SPATA13: variants seen among roughly 807,000 people sequenced by gnomAD.
SPATA13 encodes the protein spermatogenesis-associated protein 13.
SPATA13 carries 50 observed loss-of-function variants against 104.0 expected under a neutral mutation model. That is an observed-to-expected ratio of 0.48 (90% CI 0.38 to 0.61). The LOEUF is 0.61. Among genes scored for constraint, SPATA13 ranks in the 20% least tolerant of loss-of-function variants. SPATA13 has a pLI of 0.00. For missense variants in SPATA13, 1,524 were observed against 1,690.6 expected (o/e 0.90, Z 1.73); for synonymous variants, 606 against 667.5 (o/e 0.91, Z 1.42).
intron 2 of SPATA13, among the ~76,000 whole-genome samples, chr13:23,995,754 C>T (rs1875654684): frequency 6.6e-6 from 1 of 152,102 alleles, no homozygotes; most frequent in African/African-American, 2.4e-5. Flanking sequence ...CAAATGAGAG[C>T]AAAAGATCTA....
chr13:24,161,797 C>T lies in SPATA13; in HGVS notation c.-112+865C>T, dbSNP rs922828378. Among the ~76,000 whole-genome samples, 1 of 152,220 alleles carries T rather than the reference C, an allele frequency of 6.6e-6. No individual in the cohort carries two copies. Among genetic ancestry groups the T allele is most frequent in the Non-Finnish European group, 1.5e-5 (1 of 68,036 alleles). On this transcript the variant is annotated intron_variant, in intron 1 of 12. Transcript: ENST00000382108. The surrounding 1 kb of genome is among the most constrained non-coding windows in gnomAD (Gnocchi z 4.5). The stretch of plus-strand genomic sequence containing the variant: ...AATAATACTGTGAATTTATTCAGCT[C>T]TTGTTCCCATGGCTTCCCATAGCCT...
At chr13:24,278,113 G>A (rs1041760418) in intron 4 of SPATA13, among the ~76,000 whole-genome samples, 13 of 152,162 alleles carry the variant, frequency 8.5e-5, no homozygotes, top group African/African-American at 3.1e-4. Context: ...CGGAGGGCAG[G>A]ACATACGGCT....
intron 3 of SPATA13, among the ~76,000 whole-genome samples, chr13:24,120,322 G>A (rs888944811): frequency 4.6e-5 from 7 of 152,342 alleles, no homozygotes; most frequent in Middle Eastern, 3.4e-3. Context: ...CCAAGCAGAC[G>A]CTCTGGGCAA....
chr13:24,240,107 C>G (rs937168652), intron 2 of SPATA13, among the ~76,000 whole-genome samples: 3 of 151,896 alleles, frequency 2.0e-5, no homozygotes, highest in Non-Finnish European at 2.9e-5. Flanking sequence ...GAGCTCAAGA[C>G]CAGCCTGGCC....
Position 24,054,157 on chromosome 13 carries a change from G to A in SPATA13, c.-112+36456G>A, listed in dbSNP as rs143065054. On this transcript the variant is annotated intron_variant, in intron 3 of 14. Coordinates refer to the SPATA13 transcript ENST00000424834. Reference sequence around the variant, plus strand: ...GAGTCAGGTCAAGGACACCATGAGAGATCCCTCGTCTGCCACTTCCAAGGC... The same window carrying A: ...GAGTCAGGTCAAGGACACCATGAGAAATCCCTCGTCTGCCACTTCCAAGGC... Among the ~76,000 whole-genome samples the A allele has an allele frequency of 3.0e-3, 463 of 152,236 alleles. 1 individual carries two copies. Among genetic ancestry groups the A allele is most frequent in the African/African-American group, 0.011 (440 of 41,532 alleles).
rs187578253 is a variant in SPATA13 at position 23,991,259 on chromosome 13, A to C, written c.-147+7326A>C. Reference sequence around the variant, plus strand: ...CTGTGCTGTCTTTTCTTTGTAATACATTCGTGTCCCTCTCTGAGATGTAAG... The same window carrying C: ...CTGTGCTGTCTTTTCTTTGTAATACCTTCGTGTCCCTCTCTGAGATGTAAG... On this transcript the variant is annotated intron_variant, in intron 2 of 14. Coordinates refer to the SPATA13 transcript ENST00000424834. 3.3e-5 allele frequency among the ~76,000 whole-genome samples: 5 copies of C among 152,292 alleles called. No individual in the cohort carries two copies. In the East Asian group the frequency reaches 9.7e-4, roughly 29 times the overall value.
chr13:24,187,064 T>C (rs1429106870), intron 1 of SPATA13, among the ~76,000 whole-genome samples: 2 of 152,196 alleles, frequency 1.3e-5, no homozygotes, highest in Admixed American at 1.3e-4. Flanking sequence ...CCAGGTTGCA[T>C]GTTATGACAG....
chr13:24,112,317 TTGC>T (rs1880665391), intron 3 of SPATA13, among the ~76,000 whole-genome samples: 2 of 151,754 alleles, frequency 1.3e-5, no homozygotes, highest in African/African-American at 4.8e-5. Context: ...CTGGGTCAGT[TTGC>T]TACTCTGCTC....
At chr13:24,199,455 G>A (rs983242063) in intron 1 of SPATA13, among the ~76,000 whole-genome samples, 18 of 152,196 alleles carry the variant, frequency 1.2e-4, no homozygotes, top group African/African-American at 3.6e-4. Context: ...CATAGGAAAA[G>A]CACTATGATG....
At chr13:24,269,961 A>G (rs1325603844) in intron 4 of SPATA13, among the ~76,000 whole-genome samples, 3 of 151,662 alleles carry the variant, frequency 2.0e-5, no homozygotes, top group Admixed American at 6.6e-5. Context: ...GTTTTAAGCA[A>G]TCCTCCTGCG....
At chr13:24,221,051 G>T (rs563096047) in intron 1 of SPATA13, among the ~76,000 whole-genome samples, 2 of 152,264 alleles carry the variant, frequency 1.3e-5, no homozygotes, top group Admixed American at 1.3e-4. Context: ...AAAGATTTTT[G>T]GGATTTATTT....
chr13:24,045,563 A>C (rs1013784551), intron 3 of SPATA13, among the ~76,000 whole-genome samples: 2 of 152,234 alleles, frequency 1.3e-5, no homozygotes, highest in East Asian at 1.9e-4. Context: ...GTTATGGAAG[A>C]AATTTAGTAT....
intron 3 of SPATA13, among the ~76,000 whole-genome samples, chr13:24,094,559 A>G (rs1284989491): frequency 6.6e-6 from 1 of 152,162 alleles, no homozygotes; most frequent in Non-Finnish European, 1.5e-5. Flanking sequence ...TTCTTTCTTT[A>G]TGCTTAAAAT....
chr13:24,047,478 C>T (rs753149426), intron 3 of SPATA13, among the ~76,000 whole-genome samples: 12 of 152,172 alleles, frequency 7.9e-5, no homozygotes, highest in Non-Finnish European at 1.5e-4. Flanking sequence ...GGGACTGTTA[C>T]CGTCTTTGTT....
At chr13:24,085,534 G>A (rs1879690393) in intron 3 of SPATA13, among the ~76,000 whole-genome samples, 1 of 152,210 alleles carries the variant, frequency 6.6e-6, no homozygotes, top group Non-Finnish European at 1.5e-5. Context: ...CTGGGGTGCA[G>A]AAATCAGCTC....
chr13:24,058,461 G>T (rs1030710823), intron 3 of SPATA13, among the ~76,000 whole-genome samples: 1 of 151,838 alleles, frequency 6.6e-6, no homozygotes, highest in African/African-American at 2.4e-5. Context: ...TTTGCCTTGG[G>T]TGATTACTGT....
chr13:24,276,748 A>G (rs376120974), intron 4 of SPATA13, among the ~76,000 whole-genome samples: 182 of 152,342 alleles, frequency 1.2e-3, no homozygotes, highest in South Asian at 7.9e-3. Flanking sequence ...TACAGCGTCA[A>G]AATTCCCTTA....
At chr13:24,144,226 C>T (rs901056290) in intron 3 of SPATA13, among the ~76,000 whole-genome samples, 1 of 152,144 alleles carries the variant, frequency 6.6e-6, no homozygotes, top group African/African-American at 2.4e-5. Context: ...GGACTTGGAT[C>T]CAGTCTGTCC....
At chr13:24,139,426 GAGA>G (rs1335961341) in intron 3 of SPATA13, among the ~76,000 whole-genome samples, 1 of 152,202 alleles carries the variant, frequency 6.6e-6, no homozygotes, top group Non-Finnish European at 1.5e-5. Context: ...CGTTCTGACA[GAGA>G]AGAAGCAAAA....
Sources: allele counts gnomAD v4.1 joint callset (sites outside exome capture counted in the v4.1 genomes callset), GRCh38; gene constraint gnomAD v4.1.1; non-coding constraint Gnocchi (gnomAD v3.1); transcripts MANE v1.5; gene names NCBI Gene and HGNC (gene_info 2026-07-23, HGNC 2026-07-21).